The following PRDM16 variants were observed in gnomAD, a reference collection of about 807,000 sequenced individuals.
PRDM16 encodes PR/SET domain 16, also known as histone-lysine N-methyltransferase PRDM16.
A neutral mutation model predicts 110.6 loss-of-function variants in PRDM16; 23 were observed. The ratio of observed to expected loss-of-function variants is 0.21; its 90% CI spans 0.15 to 0.29. PRDM16 has a LOEUF of 0.29. Ranked by LOEUF, PRDM16 falls within the 10% of genes least tolerant of loss-of-function variation. The pLI is 1.00. For synonymous variants in PRDM16, 799 were observed against 781.8 expected (o/e 1.02, Z -0.37); for missense variants, 1,615 against 1,794.3 (o/e 0.90, Z 1.81).
chr1:3,342,007 G>A (rs1642282656), intron 3 of PRDM16, among the ~76,000 whole-genome samples: 2 of 152,224 alleles, frequency 1.3e-5, no homozygotes, highest in South Asian at 4.1e-4. Context: ...TTAAATGTAA[G>A]GATGGGAAAG....
intron 1 of PRDM16, among the ~76,000 whole-genome samples, chr1:3,091,175 C>A (rs575432638): frequency 3.5e-4 from 54 of 152,282 alleles, no homozygotes; most frequent in South Asian, 1.2e-3. Flanking sequence ...AAGGAGCCAC[C>A]GACCAATAGC....
chr1:3,420,663 G>T (rs1301238074), intron 12 of PRDM16, among the ~76,000 whole-genome samples: 1 of 152,214 alleles, frequency 6.6e-6, no homozygotes, highest in Non-Finnish European at 1.5e-5. Flanking sequence ...GTTTCTTGGA[G>T]GTAACTTGGC....
chr1:3,290,787 G>A lies in PRDM16; in HGVS notation c.438+46650G>A, dbSNP rs781532166. On this transcript the variant is annotated intron_variant, in intron 3 of 16. Transcript: ENST00000270722. The surrounding 1 kb of genome is among the most constrained non-coding windows in gnomAD (Gnocchi z 4.8). The stretch of plus-strand genomic sequence containing the variant: ...CAGAGTTTCCCGAGGCAGGCCCTAC[G>A]AGATCCCTGAAACGGGATACGCCGA... Among the ~76,000 whole-genome samples the A allele has an allele frequency of 6.6e-6, 1 of 152,040 alleles. No individual in the cohort carries two copies. Among genetic ancestry groups the A allele is most frequent in the Non-Finnish European group, 1.5e-5 (1 of 68,012 alleles).
intron 1 of PRDM16, among the ~76,000 whole-genome samples, chr1:3,179,443 A>T (rs1644125989): frequency 6.6e-6 from 1 of 152,180 alleles, no homozygotes; most frequent in Non-Finnish European, 1.5e-5. Flanking sequence ...AGCTCCCCTG[A>T]GGGAGGAGCA....
intron 1 of PRDM16, among the ~76,000 whole-genome samples, chr1:3,177,947 G>A (rs1311041501): frequency 6.6e-6 from 1 of 152,218 alleles, no homozygotes; most frequent in Non-Finnish European, 1.5e-5. Flanking sequence ...CTCTTTCAGA[G>A]CAGGCCAGCA....
chr1:3,282,848 G>T (rs981644989), intron 3 of PRDM16, among the ~76,000 whole-genome samples: 2 of 152,208 alleles, frequency 1.3e-5, no homozygotes, highest in Non-Finnish European at 2.9e-5. Flanking sequence ...GGCAGCCAGC[G>T]CTAGCCCAAG....
At chr1:3,384,107 A>G (rs889067569) in intron 3 of PRDM16, among the ~76,000 whole-genome samples, 1 of 150,986 alleles carries the variant, frequency 6.6e-6, no homozygotes, top group Non-Finnish European at 1.5e-5. Flanking sequence ...CCAAGGACAC[A>G]GCTGCCCACC....
intron 3 of PRDM16, among the ~76,000 whole-genome samples, chr1:3,296,174 G>A (rs1381728906): frequency 6.6e-6 from 1 of 152,194 alleles, no homozygotes; most frequent in African/African-American, 2.4e-5. Flanking sequence ...GGAGCGTCCT[G>A]GGGAAGTGGC....
chr1:3,236,565 G>A (rs1351234118), intron 2 of PRDM16, among the ~76,000 whole-genome samples: 1 of 152,196 alleles, frequency 6.6e-6, no homozygotes, highest in Non-Finnish European at 1.5e-5. Context: ...CACGCCGGTG[G>A]GTGCCTGGGT....
At chr1:3,341,337 G>C (rs1183530794) in intron 3 of PRDM16, among the ~76,000 whole-genome samples, 1 of 152,206 alleles carries the variant, frequency 6.6e-6, no homozygotes, top group East Asian at 1.9e-4. Context: ...GAGGCTGCAG[G>C]CCCTGGGCCT....
At chr1:3,184,939 C>T (rs968870037) in intron 1 of PRDM16, among the ~76,000 whole-genome samples, 117 of 152,094 alleles carry the variant, frequency 7.7e-4, no homozygotes, top group Non-Finnish European at 1.0e-3. Context: ...CTTCCTACGC[C>T]GAGTGCCGCA....
chr1:3,414,504 G>T (rs1553177539), intron 9 of PRDM16, 56 bp from the exon 10 acceptor site: 1 of 1,393,358 alleles, frequency 7.2e-7, no homozygotes, highest in African/African-American at 1.4e-5. Context: ...TGGAGCGGGT[G>T]GCTCGGCGGG....
chr1:3,317,536 A>C (rs1315059507), intron 3 of PRDM16, among the ~76,000 whole-genome samples: 1 of 148,708 alleles, frequency 6.7e-6, no homozygotes, highest in Non-Finnish European at 1.5e-5. Flanking sequence ...CCCTCCTTCC[A>C]TCCAGACCCC....
At chr1:3,313,696 G>A (rs1304211052) in intron 3 of PRDM16, among the ~76,000 whole-genome samples, 1 of 152,214 alleles carries the variant, frequency 6.6e-6, no homozygotes, top group African/African-American at 2.4e-5. Context: ...CGCCAGTGCC[G>A]CAGTTGCTGA....
intron 1 of PRDM16, among the ~76,000 whole-genome samples, chr1:3,087,928 T>G (rs904088460): frequency 2.0e-5 from 3 of 152,138 alleles, no homozygotes; most frequent in African/African-American, 7.2e-5. Flanking sequence ...TTACACTACA[T>G]TTCTCAGTGA....
intron 5 of PRDM16, among the ~76,000 whole-genome samples, chr1:3,401,900 G>A (rs377356599): frequency 6.6e-6 from 1 of 152,184 alleles, no homozygotes; most frequent in East Asian, 1.9e-4. Flanking sequence ...CACGCATGTA[G>A]GTGCATGCAG....
chr1:3,069,243 T>C lies in PRDM16; in HGVS notation c.-17T>C, dbSNP rs774793829. ...CTGGACTCAAGGAGGAGGAGAGAGA[T>C]TCCGCGAGCCGACACCATGCGATCC... is the stretch of plus-strand genomic sequence containing the variant. On this transcript the variant is annotated 5_prime_UTR_variant, in exon 1 of 17. Coordinates refer to ENST00000270722, the MANE Select transcript of PRDM16 (RefSeq NM_022114.4). This position sits in a 1 kb window ranked among gnomAD's most constrained non-coding sequence, Gnocchi z 6.1. 24 of 1,552,162 alleles carry C rather than the reference T, an allele frequency of 1.5e-5. No homozygotes were observed. The Middle Eastern group carries it at 5.1e-4, about 33-fold the overall frequency.
chr1:3,081,711 G>A lies in PRDM16; in HGVS notation c.37+12415G>A, dbSNP rs893198444. Among the ~76,000 whole-genome samples the A allele has an allele frequency of 2.6e-5, 4 of 152,130 alleles. No individual in the cohort carries two copies. The South Asian group carries it at 6.2e-4, about 24-fold the overall frequency. On this transcript the variant is annotated intron_variant, in intron 1 of 16. Transcript: ENST00000270722. The surrounding 1 kb of genome is among the most constrained non-coding windows in gnomAD (Gnocchi z 4.6). ...CAGCCGCTTCCCACCCCTGGGTGTC[G>A]GTCACTAGAGAGTGGGTAGAGCCTG...
intron 1 of PRDM16, among the ~76,000 whole-genome samples, chr1:3,083,574 A>G (rs760478103): frequency 8.1e-5 from 10 of 123,314 alleles, no homozygotes; most frequent in Non-Finnish European, 1.3e-4. Context: ...CCTGCAGGTC[A>G]GGACACACAG....
Sources: allele counts gnomAD v4.1 joint callset (sites outside exome capture counted in the v4.1 genomes callset), GRCh38; gene constraint gnomAD v4.1.1; non-coding constraint Gnocchi (gnomAD v3.1); transcripts MANE v1.5; gene names NCBI Gene and HGNC (gene_info 2026-07-23, HGNC 2026-07-21).